The following PIK3CG variants were observed in gnomAD, a reference collection of about 807,000 sequenced individuals.
PIK3CG encodes phosphatidylinositol-4,5-bisphosphate 3-kinase catalytic subunit gamma.
A neutral mutation model predicts 102.3 loss-of-function variants in PIK3CG; 55 were observed. That is an observed-to-expected ratio of 0.54 (90% confidence interval 0.43 to 0.67). The LOEUF (loss-of-function observed/expected upper bound fraction) is 0.67. Among genes scored for constraint, PIK3CG ranks in the 30% least tolerant of loss-of-function variants. The pLI is 0.00. For synonymous variants in PIK3CG, 552 were observed against 540.0 expected (o/e 1.02, Z -0.31); for missense variants, 1,258 against 1,391.8 (o/e 0.90, Z 1.53).
chr7:106,876,161 G>A (rs1173335305), intron 5 of PIK3CG, among the ~76,000 whole-genome samples: 1 of 151,416 alleles, frequency 6.6e-6, no homozygotes, highest in Non-Finnish European at 1.5e-5. Context: ...TGATCCACCC[G>A]CCTCGGCCTC....
Position 106,872,434 on chromosome 7 carries a change from T to C in PIK3CG, c.1996-103T>C. On this transcript the variant is annotated intron_variant, in intron 2 of 10. Transcript: ENST00000496166. This position sits in a 1 kb window ranked among gnomAD's most constrained non-coding sequence, Gnocchi z 5.3. ...GTTAAGATTTTCATCTTTCTAGCCG[T>C]GAAGACCCAGTAAAGCAGAGCACCA... 1 of 885,648 alleles carries C rather than the reference T, an allele frequency of 1.1e-6. No individual in the cohort carries two copies. The highest frequency in any genetic ancestry group is 1.9e-6 in the Non-Finnish European group (1 of 538,046). The allele number at this position is 885,648 out of a possible 1,614,324, so 54.9% of individuals were successfully genotyped here. A position where few individuals can be genotyped will look rare whatever the true frequency, so the allele number is the denominator to read the frequency against.
rs1042973695 is a variant in PIK3CG at position 106,877,596 on chromosome 7, C to T, written c.2392-1923C>T. Among the ~76,000 whole-genome samples, 1 of 151,224 alleles carries T rather than the reference C, an allele frequency of 6.6e-6. No individual in the cohort carries two copies. Among genetic ancestry groups the T allele is most frequent in the African/African-American group, 2.4e-5 (1 of 41,174 alleles). On this transcript the variant is annotated intron_variant, in intron 5 of 10. Transcript: ENST00000496166. This position sits in a 1 kb window ranked among gnomAD's most constrained non-coding sequence, Gnocchi z 4.5. ...ATATGAATATCCAGATTTTTCAGCA[C>T]CATGTGTTGAAAAGACTGTTTTGTT...
chr7:106,885,597 T>TGTG (rs1791062972), intron 9 of PIK3CG, among the ~76,000 whole-genome samples: 1 of 151,652 alleles, frequency 6.6e-6, no homozygotes, highest in South Asian at 2.1e-4. Context: ...TGATGATTAT[T>TGTG]GTGGTGGTGA....
At position 106,877,328 on chromosome 7, in the gene PIK3CG, C is replaced by T. The variant is rs186429530; in HGVS notation, c.2392-2191C>T. Reference sequence around the variant, plus strand: ...ATAACTGGGAGAATGCTATTGGCATCTAGTGGGTAGAGGCCAGGGATGCTG... The same window carrying T: ...ATAACTGGGAGAATGCTATTGGCATTTAGTGGGTAGAGGCCAGGGATGCTG... On this transcript the variant is annotated intron_variant, in intron 5 of 10. Coordinates refer to ENST00000496166, the MANE Select transcript of PIK3CG (RefSeq NM_001282426.2). This position sits in a 1 kb window ranked among gnomAD's most constrained non-coding sequence, Gnocchi z 4.5. 9.4e-4 allele frequency among the ~76,000 whole-genome samples: 143 copies of T among 152,322 alleles called. 1 individual carries two copies. Among genetic ancestry groups the T allele is most frequent in the Admixed American group, 3.6e-3 (55 of 15,298 alleles).
chr7:106,871,670 A>ATGTT (rs10678632), intron 2 of PIK3CG, among the ~76,000 whole-genome samples: 141,508 of 152,162 alleles, frequency 0.93, 65,914 homozygotes, highest in East Asian at 1. Flanking sequence ...AATCTGAACA[A>ATGTT]TGTTAGTGTT....
rs531648062 is a variant in PIK3CG at position 106,883,638 on chromosome 7, A to G, written c.2760+475A>G. Among the ~76,000 whole-genome samples the G allele has an allele frequency of 1.3e-5, 2 of 152,348 alleles. No individual in the cohort carries two copies. Among genetic ancestry groups the G allele is most frequent in the Admixed American group, 6.5e-5 (1 of 15,306 alleles). On this transcript the variant is annotated intron_variant, in intron 8 of 10. Coordinates refer to ENST00000496166, the MANE Select transcript of PIK3CG (RefSeq NM_001282426.2). This position sits in a 1 kb window ranked among gnomAD's most constrained non-coding sequence, Gnocchi z 5.8. ...CATTCCTTGGAAGTGCATATGCTCAATCCTTCACAAGCTGTGTTTTAGCTG... is the reference window on the plus strand; with the variant it reads ...CATTCCTTGGAAGTGCATATGCTCAGTCCTTCACAAGCTGTGTTTTAGCTG...
In PIK3CG at chr7:106,892,861, A is replaced by G. The variant is rs1791299558; in HGVS notation, c.3030+6569A>G. Among the ~76,000 whole-genome samples the G allele has an allele frequency of 6.6e-6, 1 of 152,202 alleles. No homozygotes were observed. Among genetic ancestry groups the G allele is most frequent in the Admixed American group, 6.5e-5 (1 of 15,284 alleles). On this transcript the variant is annotated intron_variant, in intron 10 of 10. Transcript: ENST00000496166. The surrounding 1 kb of genome is among the most constrained non-coding windows in gnomAD (Gnocchi z 5.2). ...GAAGGGAGGGAACATCCAGACAGAA[A>G]GAACAGCACGAGCAAGTGCATGAAG... is the stretch of plus-strand genomic sequence containing the variant.
rs773682086 is a variant in PIK3CG, at chr7:106,883,200, A to C, written c.2760+37A>C. On this transcript the variant is annotated intron_variant, in intron 8 of 10. Transcript: ENST00000496166. The surrounding 1 kb of genome is among the most constrained non-coding windows in gnomAD (Gnocchi z 5.8). ...CTTTTTCCCAGTCTAATGGCTCCTT[A>C]CAAGTTGTCATTTATATAGCAGTAG... is the stretch of plus-strand genomic sequence containing the variant. 1 of 1,611,230 alleles carries C rather than the reference A, an allele frequency of 6.2e-7. No homozygotes were observed. The highest frequency in any genetic ancestry group is 8.5e-7 in the Non-Finnish European group (1 of 1,177,632).
chr7:106,883,734 G>A lies in PIK3CG; in HGVS notation c.2761-421G>A, dbSNP rs193154254. On this transcript the variant is annotated intron_variant, in intron 8 of 10. Coordinates refer to ENST00000496166, the MANE Select transcript of PIK3CG (RefSeq NM_001282426.2). This position sits in a 1 kb window ranked among gnomAD's most constrained non-coding sequence, Gnocchi z 5.8. ...ATTTGCATGGTTAGCAGCCTTTTGG[G>A]GAGGAAATATAATGAGTAGCACTTA... is the stretch of plus-strand genomic sequence containing the variant. 2.6e-4 allele frequency among the ~76,000 whole-genome samples: 40 copies of A among 152,282 alleles called. No homozygotes were observed. The highest frequency in any genetic ancestry group is 4.3e-4 in the Non-Finnish European group (29 of 68,028).
intron 6 of PIK3CG, among the ~76,000 whole-genome samples, chr7:106,881,089 A>G (rs1299545341): frequency 1.3e-5 from 2 of 152,194 alleles, no homozygotes; most frequent in Admixed American, 1.3e-4. Context: ...GCACTAGCCC[A>G]CAATCTCCAT....
Position 106,869,038 on chromosome 7 carries a change from G to A in PIK3CG, c.1477G>A (p.Asp493Asn), listed in dbSNP as rs200755385. Residue 493 changes from aspartate (D) to asparagine (N), a missense_variant, in exon 2 of 11, where the codon GAC becomes AAC. Transcript: ENST00000496166. The surrounding 1 kb of genome is among the most constrained non-coding windows in gnomAD (Gnocchi z 5.3). Reference protein sequence around the residue: ...HMWQISGKGEDQGSFNADKLT... With the variant: ...HMWQISGKGENQGSFNADKLT... Reference sequence around the variant, plus strand: ...GTGGCAGATATCTGGGAAGGGAGAAGACCAAGGAAGCTTCAATGCTGACAA... The same window carrying A: ...GTGGCAGATATCTGGGAAGGGAGAAAACCAAGGAAGCTTCAATGCTGACAA... 6.2e-7 allele frequency: 1 copy of A among 1,614,190 alleles called. No homozygotes were observed. The highest frequency in any genetic ancestry group is 1.1e-5 in the South Asian group (1 of 91,080).
rs1255775976 is a variant in PIK3CG at position 106,874,950 on chromosome 7, C to G, written c.2391+147C>G. 5.4e-6 allele frequency: 3 copies of G among 557,776 alleles called. No individual in the cohort carries two copies. In the African/African-American group the frequency reaches 5.7e-5, roughly 11 times the overall value. 34.6% of individuals were successfully genotyped at this position (557,776 alleles called of 1,614,324 possible). A position where few individuals can be genotyped will look rare whatever the true frequency, so the allele number is the denominator to read the frequency against. On this transcript the variant is annotated intron_variant, in intron 5 of 10. Transcript: ENST00000496166. This position sits in a 1 kb window ranked among gnomAD's most constrained non-coding sequence, Gnocchi z 4.3. Reference sequence around the variant, plus strand: ...GGATGGGTTTCTCATAAGCCCTTGTCTAATCACTGGTTATGAAAGCCTCAA... The same window carrying G: ...GGATGGGTTTCTCATAAGCCCTTGTGTAATCACTGGTTATGAAAGCCTCAA...
rs923587556 is a variant in PIK3CG, at chr7:106,883,647, A to G, written c.2760+484A>G. Among the ~76,000 whole-genome samples, 5 of 152,192 alleles carry G rather than the reference A, an allele frequency of 3.3e-5. No individual in the cohort carries two copies. The highest frequency in any genetic ancestry group is 1.2e-4 in the African/African-American group (5 of 41,450). Reference sequence around the variant, plus strand: ...GAAGTGCATATGCTCAATCCTTCACAAGCTGTGTTTTAGCTGTTTGGCTGT... The same window carrying G: ...GAAGTGCATATGCTCAATCCTTCACGAGCTGTGTTTTAGCTGTTTGGCTGT... On this transcript the variant is annotated intron_variant, in intron 8 of 10. Transcript: ENST00000496166. The surrounding 1 kb of genome is among the most constrained non-coding windows in gnomAD (Gnocchi z 5.8).
rs749048019 is a variant in PIK3CG, at chr7:106,868,486, A to G, written c.925A>G (p.Thr309Ala). Residue 309 changes from threonine to alanine, a missense_variant, in exon 2 of 11, where the codon ACG (threonine) becomes GCG (alanine). Physicochemically the swap from Thr to Ala is moderately conservative, Grantham distance 58. Around this residue, in one of 2 missense-constraint regions of PIK3CG, gnomAD observed 832 missense variants for 787.5 expected, o/e 1.06. Coordinates refer to ENST00000496166, the MANE Select transcript of PIK3CG (RefSeq NM_001282426.2). This position sits in a 1 kb window ranked among gnomAD's most constrained non-coding sequence, Gnocchi z 6.2. Reference protein sequence around the residue: ...NGEEIHVVLDTPPDPALDEVR... With the variant: ...NGEEIHVVLDAPPDPALDEVR... ...AGAAGAGATTCACGTGGTACTGGAC[A>G]CGCCTCCAGACCCGGCCCTAGACGA... The G allele has an allele frequency of 1.4e-5, 23 of 1,614,028 alleles. No homozygotes were observed. The highest frequency in any genetic ancestry group is 1.7e-5 in the Admixed American group (1 of 60,014).
At chr7:106,871,254 G>A in intron 2 of PIK3CG, among the ~76,000 whole-genome samples, 1 of 152,180 alleles carries the variant, frequency 6.6e-6, no homozygotes, top group East Asian at 1.9e-4. Context: ...ACCTGAAGAA[G>A]GTCAGAAAGA....
intron 5 of PIK3CG, among the ~76,000 whole-genome samples, chr7:106,878,115 T>G (rs545284449): frequency 1.3e-5 from 2 of 152,362 alleles, no homozygotes; most frequent in East Asian, 3.9e-4. Flanking sequence ...TGAAACACTT[T>G]TTATTCTGCT....
chr7:106,901,487 G>A (rs1791552786), intron 10 of PIK3CG, among the ~76,000 whole-genome samples: 1 of 151,942 alleles, frequency 6.6e-6, no homozygotes, highest in African/African-American at 2.4e-5. Context: ...TATTTTCCTT[G>A]GATTGGGTTT....
rs929843447 is a variant in PIK3CG at position 106,872,084 on chromosome 7, T to G, written c.1996-453T>G. On this transcript the variant is annotated intron_variant, in intron 2 of 10. Coordinates refer to ENST00000496166, the MANE Select transcript of PIK3CG (RefSeq NM_001282426.2). The surrounding 1 kb of genome is among the most constrained non-coding windows in gnomAD (Gnocchi z 5.3). ...CTATAGGGCTTTTAGGATCTTTCCA[T>G]CTAACAAATATTTTTCTCCTTACGT... 6.6e-6 allele frequency among the ~76,000 whole-genome samples: 1 copy of G among 152,190 alleles called. No individual in the cohort carries two copies. The highest frequency in any genetic ancestry group is 1.5e-5 in the Non-Finnish European group (1 of 68,026).
In PIK3CG at chr7:106,907,108, G is replaced by A. The variant is rs774978984; in HGVS notation, c.*1721G>A. On this transcript the variant is annotated 3_prime_UTR_variant, in exon 11 of 11. Transcript: ENST00000496166. ...TACACTCCAGCCTGGATAACAGAGC[G>A]AGACCCTGTCTCAAAAAAATAAAAT... is the stretch of plus-strand genomic sequence containing the variant. The A allele has an allele frequency of 1.9e-4, 37 of 192,420 alleles. No homozygotes were observed. The highest frequency in any genetic ancestry group is 7.9e-4 in the African/African-American group (34 of 43,126). The allele number at this position is 192,420 out of a possible 1,614,324, so 11.9% of individuals were successfully genotyped here. A position where few individuals can be genotyped will look rare whatever the true frequency, so the allele number is the denominator to read the frequency against.
Sources: gnomAD v4.1 joint callset for allele counts (sites outside exome capture counted in the v4.1 genomes callset) on GRCh38, gnomAD v4.1.1 for gene constraint, gnomAD v4.1.1 regional missense constraint, Gnocchi (gnomAD v3.1) non-coding constraint, MANE v1.5 for transcripts, NCBI Gene and HGNC (gene_info 2026-07-23, HGNC 2026-07-21) for gene names.